The following NREP variants were observed in gnomAD, a reference collection of about 807,000 sequenced individuals.
NREP encodes the protein neuronal regeneration related protein.
In NREP, 5 loss-of-function variants were observed where a neutral mutation model predicts 8.6. The ratio of observed to expected loss-of-function variants is 0.58; its 90% CI spans 0.30 to 1.22. The LOEUF (loss-of-function observed/expected upper bound fraction) is 1.22, where lower values mean the gene tolerates loss of function less well. NREP is among the 50% of genes most tolerant of loss of function. NREP has a pLI of 0.07. For missense variants in NREP, 86 were observed against 82.5 expected (o/e 1.04, Z -0.17); for synonymous variants, 27 against 28.0 (o/e 0.96, Z 0.11).
chr5:111,742,314 G>A (rs537382461), intron 2 of NREP, among the ~76,000 whole-genome samples: 2 of 152,184 alleles, frequency 1.3e-5, no homozygotes, highest in South Asian at 2.1e-4. Context: ...TCTGCTCATC[G>A]TGAAGCCATC....
chr5:111,775,819 C>T (rs1751344056), intron 2 of NREP, among the ~76,000 whole-genome samples: 1 of 152,042 alleles, frequency 6.6e-6, no homozygotes, highest in Non-Finnish European at 1.5e-5. Context: ...AAAGAAAGAA[C>T]TTAATTTCTT....
In NREP at chr5:111,802,304, A is replaced by C. The variant is rs4957977; in HGVS notation, c.136-66797T>G. On this transcript the variant is annotated intron_variant, in intron 2 of 3. Transcript: ENST00000395634. ...TTAAGAAGGTGTCAAATACACTGTT[A>C]AAAAAGTATAGCAAGGAGACTGTTT... 1.4e-4 allele frequency among the ~76,000 whole-genome samples: 22 copies of C among 152,068 alleles called. 1 individual carries two copies. The South Asian group carries it at 4.6e-3, about 32-fold the overall frequency.
At chr5:111,781,094 AG>A (rs1480480798) in intron 2 of NREP, among the ~76,000 whole-genome samples, 3 of 152,116 alleles carry the variant, frequency 2.0e-5, no homozygotes, top group Non-Finnish European at 4.4e-5. Context: ...TTTGCCATCC[AG>A]GTATTAAGCC....
chr5:111,765,069 C>A lies in NREP; in HGVS notation c.136-29562G>T, dbSNP rs570626670. Among the ~76,000 whole-genome samples the A allele has an allele frequency of 8.5e-5, 13 of 152,224 alleles. No individual in the cohort carries two copies. The South Asian group carries it at 2.3e-3, about 27-fold the overall frequency. The stretch of plus-strand genomic sequence containing the variant: ...ACTGTCTAAATCAGCATTCTCCAAC[C>A]TTTTGGGCAACAGGGACTGGTTTCC... On this transcript the variant is annotated intron_variant, in intron 2 of 3. Transcript: ENST00000395634.
chr5:111,909,641 C>G (rs1754861743), intron 2 of NREP, among the ~76,000 whole-genome samples: 1 of 152,064 alleles, frequency 6.6e-6, no homozygotes, highest in African/African-American at 2.4e-5. Context: ...GATACTTGAA[C>G]TTGGGTTGCA....
chr5:111,830,955 TA>T (rs1454983817), intron 2 of NREP, among the ~76,000 whole-genome samples: 4 of 152,358 alleles, frequency 2.6e-5, no homozygotes, highest in Admixed American at 1.3e-4. Flanking sequence ...TATTTACTTG[TA>T]CTTCCCTGTT....
At chr5:111,757,836 AGGCGGTTTGGG>A, upstream of NREP, 1 of 966,918 alleles carries the variant, frequency 1.0e-6, no homozygotes, top group Non-Finnish European at 1.2e-6. Flanking sequence ...GAGGTGGAGG[AGGCGGTTTGGG>A]GGCGCGCCAA....
intron 2 of NREP, among the ~76,000 whole-genome samples, chr5:111,941,086 T>C (rs900597910): frequency 6.6e-6 from 1 of 152,106 alleles, no homozygotes; most frequent in African/African-American, 2.4e-5. Flanking sequence ...AGAATAACTA[T>C]GGGATCCCAG....
At chr5:111,939,568 A>G (rs961642233) in intron 2 of NREP, among the ~76,000 whole-genome samples, 8 of 152,072 alleles carry the variant, frequency 5.3e-5, no homozygotes, top group Non-Finnish European at 1.2e-4. Flanking sequence ...GTGGCAAAAA[A>G]AAATTCGAGT....
intron 2 of NREP, among the ~76,000 whole-genome samples, chr5:111,891,820 G>C (rs1754401942): frequency 6.6e-6 from 1 of 152,060 alleles, no homozygotes; most frequent in African/African-American, 2.4e-5. Context: ...CAGCACCAAG[G>C]GCATGGTGCT....
At chr5:111,772,940 A>G (rs1295585889) in intron 2 of NREP, among the ~76,000 whole-genome samples, 2 of 152,130 alleles carry the variant, frequency 1.3e-5, no homozygotes, top group East Asian at 1.9e-4. Flanking sequence ...TAGCAAAATG[A>G]TGATATTCAA....
intron 2 of NREP, among the ~76,000 whole-genome samples, chr5:111,886,329 CTGGAGAGGATG>C (rs1407289018): frequency 6.6e-6 from 1 of 151,976 alleles, no homozygotes; most frequent in Admixed American, 6.6e-5. Context: ...ACAACAGGTG[CTGGAGAGGATG>C]TGGAGAAATA....
chr5:111,876,375 T>A (rs1337710686), intron 2 of NREP, among the ~76,000 whole-genome samples: 2 of 152,216 alleles, frequency 1.3e-5, no homozygotes, highest in Non-Finnish European at 2.9e-5. Context: ...TTTCTTGGTT[T>A]CACAGCCCAA....
chr5:111,901,106 G>A (rs1177632420), intron 2 of NREP, among the ~76,000 whole-genome samples: 3 of 152,082 alleles, frequency 2.0e-5, no homozygotes, highest in Non-Finnish European at 4.4e-5. Flanking sequence ...GGTTCAACAT[G>A]TGCAAACCAG....
intron 2 of NREP, among the ~76,000 whole-genome samples, chr5:111,818,703 T>C (rs1296246721): frequency 6.6e-6 from 1 of 152,176 alleles, no homozygotes; most frequent in Non-Finnish European, 1.5e-5. Context: ...AAAGAAACAC[T>C]CTCATGCATA....
At chr5:111,946,150 A>G (rs1172293440) in intron 2 of NREP, among the ~76,000 whole-genome samples, 1 of 151,838 alleles carries the variant, frequency 6.6e-6, no homozygotes, top group Non-Finnish European at 1.5e-5. Flanking sequence ...ATCTAATAAT[A>G]TAGAGTTGCC....
chr5:111,826,900 T>C (rs1476653673), intron 2 of NREP, among the ~76,000 whole-genome samples: 1 of 152,174 alleles, frequency 6.6e-6, no homozygotes, highest in East Asian at 1.9e-4. Context: ...AGGGTTGGAA[T>C]GGGTATGGAA....
At chr5:111,879,640 T>C (rs1434911689) in intron 2 of NREP, among the ~76,000 whole-genome samples, 2 of 152,190 alleles carry the variant, frequency 1.3e-5, no homozygotes, top group Admixed American at 6.5e-5. Flanking sequence ...CTTACATTAC[T>C]CTGCTCAGGT....
chr5:111,959,358 G>T lies in NREP; in HGVS notation c.135+15916C>A, dbSNP rs545460640. On this transcript the variant is annotated intron_variant, in intron 2 of 3. Coordinates refer to the NREP transcript ENST00000395634. The stretch of plus-strand genomic sequence containing the variant: ...TAGAGAGGAGTATAAGGCAGCCTCT[G>T]GGGGCTGATGTTCTTTTTTCTGATC... Among the ~76,000 whole-genome samples, 34 of 151,982 alleles carry T rather than the reference G, an allele frequency of 2.2e-4. No individual in the cohort carries two copies. The East Asian group carries it at 6.2e-3, about 28-fold the overall frequency.
Sources: allele counts gnomAD v4.1 joint callset (sites outside exome capture counted in the v4.1 genomes callset), GRCh38; gene constraint gnomAD v4.1.1; transcripts MANE v1.5; gene names NCBI Gene and HGNC (gene_info 2026-07-23, HGNC 2026-07-21).